SRGAP2B: variants seen among roughly 807,000 people sequenced by gnomAD.
The protein encoded by SRGAP2B is SLIT-ROBO Rho GTPase activating protein 2B, also known as SLIT-ROBO Rho GTPase-activating protein 2B.
Under a neutral mutation model 22.2 loss-of-function variants are expected in SRGAP2B, and 9 were observed. The ratio of observed to expected loss-of-function variants is 0.41; its 90% CI spans 0.24 to 0.71. SRGAP2B has a LOEUF of 0.71. SRGAP2B is among the 30% of genes least tolerant of loss of function. The pLI is 0.35. For synonymous variants in SRGAP2B, 36 were observed against 87.4 expected, an observed-to-expected ratio of 0.41 and a Z score of 3.28; for missense variants, 114 against 235.8, an observed-to-expected ratio of 0.48 and a Z score of 3.38.
chr1:144,953,819 G>T (rs1372310432), intron 4 of SRGAP2B, among the ~76,000 whole-genome samples: 1 of 150,722 alleles, frequency 6.6e-6, no homozygotes, highest in Non-Finnish European at 1.5e-5. Context: ...CTAGCTAGGT[G>T]AACAGATCTT....
chr1:144,992,935 G>A (rs1460319490), intron 3 of SRGAP2B, among the ~76,000 whole-genome samples: 1 of 151,574 alleles, frequency 6.6e-6, no homozygotes, highest in Non-Finnish European at 1.5e-5. Flanking sequence ...AGTGCTGAAT[G>A]CCCTAAGAGA....
intron 4 of SRGAP2B, among the ~76,000 whole-genome samples, chr1:144,954,678 A>G (rs1667129954): frequency 6.6e-6 from 1 of 150,722 alleles, no homozygotes; most frequent in South Asian, 2.1e-4. Context: ...AGCTTCCTGG[A>G]TTTTCAAGAG....
At chr1:145,040,813 C>T (rs587764567) in intron 2 of SRGAP2B, among the ~76,000 whole-genome samples, 14 of 148,268 alleles carry the variant, frequency 9.4e-5, no homozygotes, top group Non-Finnish European at 7.4e-5. Flanking sequence ...ACCATCTTTA[C>T]GGTGCTTACG....
chr1:145,009,587 C>CAAA (rs142447274), intron 2 of SRGAP2B, among the ~76,000 whole-genome samples: 1 of 79,552 alleles, frequency 1.3e-5, no homozygotes, highest in Admixed American at 1.4e-4. Flanking sequence ...GACTCCGTCT[C>CAAA]AAAAAAAAAA....
rs1273772252 is a variant in SRGAP2B at position 144,940,756 on chromosome 1, T to A, written c.423+14683A>T. Among the ~76,000 whole-genome samples, 2 of 133,528 alleles carry A rather than the reference T, an allele frequency of 1.5e-5. 1 individual carries two copies. The highest frequency in any genetic ancestry group is 6.0e-5 in the African/African-American group (2 of 33,212). 87.6% of individuals were successfully genotyped at this position (133,528 alleles called of 152,430 possible). A position where few individuals can be genotyped will look rare whatever the true frequency, so the allele number is the denominator to read the frequency against. Reference sequence around the variant, plus strand: ...AGGCGGAGGTTGCAGTGAGCCAAGATCACGCCACTGTACTCCAGCCTGAAA... The same window carrying A: ...AGGCGGAGGTTGCAGTGAGCCAAGAACACGCCACTGTACTCCAGCCTGAAA... On this transcript the variant is annotated intron_variant, in intron 4 of 9. Coordinates refer to ENST00000612199, the Ensembl canonical transcript of SRGAP2B.
chr1:144,964,910 T>G (rs587724680), intron 3 of SRGAP2B: 1 of 679,884 alleles, frequency 1.5e-6, no homozygotes, highest in African/African-American at 1.8e-5. Context: ...ACATAGGACC[T>G]GTCTCTTAAA....
intron 2 of SRGAP2B, among the ~76,000 whole-genome samples, chr1:145,044,684 A>C (rs1649562647): frequency 7.1e-6 from 1 of 141,022 alleles, no homozygotes; most frequent in African/African-American, 2.7e-5. Context: ...AAAAAAAAAA[A>C]AAAAAAAAAA....
intron 2 of SRGAP2B, among the ~76,000 whole-genome samples, chr1:145,091,867 G>A (rs1654005424): frequency 7.4e-6 from 1 of 134,370 alleles, no homozygotes; most frequent in East Asian, 2.0e-4. Flanking sequence ...TCCAGTGACT[G>A]ACCAGGAAAG....
In SRGAP2B at chr1:144,956,924, G is replaced by T. The variant is rs1390103988; in HGVS notation, c.261-1323C>A. Among the ~76,000 whole-genome samples, 29 of 149,922 alleles carry T rather than the reference G, an allele frequency of 1.9e-4. 3 individuals are homozygous for T. Among genetic ancestry groups the T allele is most frequent in the African/African-American group, 7.3e-4 (29 of 39,870 alleles). ...ATCAAGGGATACTGTACACATATCT[G>T]GGCCCTTTATACATGTTGTTTGACT... On this transcript the variant is annotated intron_variant, in intron 3 of 9. Coordinates refer to ENST00000612199, the Ensembl canonical transcript of SRGAP2B.
At chr1:144,966,464 C>T (rs1421534452) in intron 3 of SRGAP2B, among the ~76,000 whole-genome samples, 1 of 147,258 alleles carries the variant, frequency 6.8e-6, no homozygotes, top group Non-Finnish European at 1.5e-5. Flanking sequence ...CACCACCAGG[C>T]CTGCCCTAAA....
chr1:144,966,080 CAGG>C (rs1365232562), intron 3 of SRGAP2B, among the ~76,000 whole-genome samples: 2 of 149,032 alleles, frequency 1.3e-5, no homozygotes, highest in East Asian at 3.9e-4. Context: ...GGATATTATC[CAGG>C]AGAACTTCCC....
Position 145,023,398 on chromosome 1 carries a change from CT to C in SRGAP2B, c.68-28199del, listed in dbSNP as rs1407354310. On this transcript the variant is annotated intron_variant, in intron 2 of 9. Coordinates refer to ENST00000612199, the Ensembl canonical transcript of SRGAP2B. ...CCTGATACTTTTTGACCTTTTTGCT[CT>C]GCCAGTTTCCATTTTCTGACCCTAA... is the stretch of plus-strand genomic sequence containing the variant. Among the ~76,000 whole-genome samples, 10 of 131,922 alleles carry C rather than the reference CT, an allele frequency of 7.6e-5. No homozygotes were observed. In the Admixed American group the frequency reaches 7.7e-4, roughly 10 times the overall value. The allele number at this position is 131,922 out of a possible 152,430, so 86.5% of individuals were successfully genotyped here.
chr1:144,959,359 TA>T (rs1261082198), intron 3 of SRGAP2B, among the ~76,000 whole-genome samples: 3 of 146,860 alleles, frequency 2.0e-5, no homozygotes, highest in African/African-American at 7.8e-5. Context: ...TTTTTCCATC[TA>T]AATCAATTTA....
chr1:144,976,005 C>G (rs1462732789), intron 3 of SRGAP2B, among the ~76,000 whole-genome samples: 1 of 148,952 alleles, frequency 6.7e-6, no homozygotes, highest in African/African-American at 2.5e-5. Context: ...TCCCCAGTAG[C>G]TGGGACCACA....
intron 2 of SRGAP2B, among the ~76,000 whole-genome samples, chr1:145,080,186 G>T (rs1354023440): frequency 6.7e-6 from 1 of 149,412 alleles, no homozygotes; most frequent in African/African-American, 2.5e-5. Context: ...AGAAGTCTCT[G>T]AGCTTACTGG....
At chr1:144,952,658 C>G (rs1330097748) in intron 4 of SRGAP2B, among the ~76,000 whole-genome samples, 2 of 150,262 alleles carry the variant, frequency 1.3e-5, no homozygotes, top group African/African-American at 5.0e-5. Context: ...CATCCTCAAA[C>G]TATCAGGGTC....
intron 4 of SRGAP2B, among the ~76,000 whole-genome samples, chr1:144,941,645 G>A (rs1345134002): frequency 3.3e-5 from 5 of 149,302 alleles, no homozygotes; most frequent in African/African-American, 1.3e-4. Context: ...AACTGAAGAC[G>A]CTGTGTCAAA....
intron 3 of SRGAP2B, among the ~76,000 whole-genome samples, chr1:144,983,978 A>G (rs1470026713): frequency 6.6e-6 from 1 of 150,776 alleles, no homozygotes; most frequent in Non-Finnish European, 1.5e-5. Flanking sequence ...CAAATTTCTC[A>G]TATTTTACTC....
chr1:144,970,405 C>A (rs1233139071), intron 3 of SRGAP2B, among the ~76,000 whole-genome samples: 1 of 117,550 alleles, frequency 8.5e-6, no homozygotes, highest in Admixed American at 9.0e-5. Flanking sequence ...GAACAAAAAA[C>A]CAAACACCGC....
Sources: allele counts gnomAD v4.1 joint callset (sites outside exome capture counted in the v4.1 genomes callset), GRCh38; gene constraint gnomAD v4.1.1; transcripts MANE v1.5; gene names NCBI Gene and HGNC (gene_info 2026-07-23, HGNC 2026-07-21).